Variants in FBN3 observed in about 807,000 individuals in gnomAD.
FBN3 encodes the protein fibrillin 3, also known as fibrillin-3.
FBN3 carries 234 observed loss-of-function variants against 330.1 expected under a neutral mutation model. The observed-to-expected ratio is 0.71, with a 90% CI of 0.64 to 0.79. The LOEUF (loss-of-function observed/expected upper bound fraction) is 0.79. Among genes scored for constraint, FBN3 ranks in the 30% least tolerant of loss-of-function variants. The pLI is 0.00. For synonymous variants in FBN3, 1,458 were observed against 1,517.3 expected (o/e 0.96, Z 0.91); for missense variants, 3,606 against 3,886.9 (o/e 0.93, Z 1.92).
intron 16 of FBN3, among the ~76,000 whole-genome samples, chr19:8,130,857 A>T (rs556212782): frequency 2.6e-4 from 39 of 151,254 alleles, no homozygotes; most frequent in Non-Finnish European, 4.3e-4. Context: ...TCTCACCTCT[A>T]AAAAAGGGTG....
At chr19:8,106,326 T>C (rs1446064423) in intron 37 of FBN3, 93 bp from the exon 38 acceptor site, 3 of 1,358,956 alleles carry the variant, frequency 2.2e-6, no homozygotes, top group Non-Finnish European at 3.1e-6. Context: ...TCCAGGGCCC[T>C]CTCGAGGATC....
rs764204317 is a variant in FBN3 at position 8,136,296 on chromosome 19, G to C, written c.1359C>G (p.Cys453Trp). Residue 453 changes from cysteine to tryptophan, a missense_variant, in exon 12 of 64, where the codon TGC (cysteine) becomes TGG (tryptophan). By Grantham distance (215) the Cys-to-Trp change is radical. Coordinates refer to ENST00000600128, the MANE Select transcript of FBN3 (RefSeq NM_032447.5). Reference protein sequence around the residue: ...VRGECIDVDECTSSPCHHGDC... With the variant: ...VRGECIDVDEWTSSPCHHGDC... ...CACCGTGGTGGCAGGGGCTGCTGGT[G>C]CATTCGTCTACATCTGAGGGGAGAG... 6.2e-7 allele frequency: 1 copy of C among 1,602,234 alleles called. No homozygotes were observed. The highest frequency in any genetic ancestry group is 1.3e-5 in the African/African-American group (1 of 74,852).
chr19:8,128,192 T>C (rs1599409410), intron 18 of FBN3, among the ~76,000 whole-genome samples: 1 of 152,142 alleles, frequency 6.6e-6, no homozygotes, highest in African/African-American at 2.4e-5. Context: ...GTAGGACTTC[T>C]GGGATGTGTG....
chr19:8,147,994 G>T (rs1287559545), intron 1 of FBN3, among the ~76,000 whole-genome samples: 1 of 151,932 alleles, frequency 6.6e-6, no homozygotes, highest in Non-Finnish European at 1.5e-5. Context: ...GGAGAGGAAT[G>T]GGAGGCTCAT....
intron 37 of FBN3, among the ~76,000 whole-genome samples, chr19:8,106,640 G>T (rs1054487781): frequency 1.3e-5 from 2 of 152,006 alleles, no homozygotes; most frequent in African/African-American, 4.8e-5. Context: ...TAAGCAAGTG[G>T]GTCAATGAAT....
rs778407139 is a variant in FBN3 at position 8,110,959 on chromosome 19, C to A, written c.4219G>T (p.Glu1407Ter). Residue 1407 changes from glutamate to a stop codon, truncating the protein, a stop_gained, in exon 34 of 64, where the codon GAG (glutamate) becomes TAG (stop). Transcript: ENST00000600128. LOFTEE classifies it high-confidence loss of function. ...EDHRACQDVD[E>*]CAQGNLCAFG... is the part of the protein sequence containing the mutation. ...GCACAGAGGTTCCCTTGCGCACACT[C>A]GTCCACATCTGCGGGGACCCTGGGT... 6.8e-6 allele frequency: 11 copies of A among 1,614,248 alleles called. No homozygotes were observed. The highest frequency in any genetic ancestry group is 2.5e-6 in the Non-Finnish European group (3 of 1,180,030).
chr19:8,068,608 G>A (rs542220879), intron 63 of FBN3, among the ~76,000 whole-genome samples: 13 of 151,518 alleles, frequency 8.6e-5, no homozygotes, highest in Non-Finnish European at 1.3e-4. Context: ...GGATTGAGGC[G>A]GGAGGATTGC....
chr19:8,069,543 T>C (rs1359856742), intron 63 of FBN3, among the ~76,000 whole-genome samples: 1 of 152,182 alleles, frequency 6.6e-6, no homozygotes, highest in African/African-American at 2.4e-5. Flanking sequence ...ACTTATGCTC[T>C]TACTGACCCC....
At position 8,081,017 on chromosome 19, in the gene FBN3, TG is replaced by T; in HGVS notation, c.7438del (p.His2480ThrfsTer50). ...GGGTCACTCACCGAAGCAGGCCTGG[TG>T]GTGCTGGGTGAAGCCGGGCGGACAG... is the stretch of plus-strand genomic sequence containing the variant. ...CRCPPGFTQH[H>X]QACFDNDECS... On this transcript the variant is annotated frameshift_variant, in exon 59 of 64. Coordinates refer to ENST00000600128, the MANE Select transcript of FBN3 (RefSeq NM_032447.5). LOFTEE classifies it high-confidence loss of function. 6.2e-7 allele frequency: 1 copy of T among 1,611,600 alleles called. No individual in the cohort carries two copies.
At chr19:8,117,324 TGG>T in intron 27 of FBN3, 33 bp from the exon 28 acceptor site, 1 of 405,098 alleles carries the variant, frequency 2.5e-6, no homozygotes, top group Non-Finnish European at 4.1e-6. Context: ...GGGCTGGGGC[TGG>T]GGGGAGGGGT....
Position 8,118,897 on chromosome 19 carries a change from C to T in FBN3, c.3337G>A (p.Asp1113Asn), listed in dbSNP as rs2082772430. 8 of 1,609,486 alleles carry T rather than the reference C, an allele frequency of 5.0e-6. No individual in the cohort carries two copies. The highest frequency in any genetic ancestry group is 6.8e-6 in the Non-Finnish European group (8 of 1,176,156). Residue 1113 changes from aspartate to asparagine, a missense_variant and splice_region_variant, in exon 26 of 64, where the codon GAC (aspartate) becomes AAC (asparagine). Transcript: ENST00000600128. ...CTTGCACACCCAGATGCACACTTAC[C>T]CTCACAGGCAGTGCCCTTGGCCGTC... ...ELTAKGTACE[D>N]IDECSLSDGL...
intron 57 of FBN3, among the ~76,000 whole-genome samples, chr19:8,082,773 C>G (rs934335621): frequency 1.3e-5 from 2 of 151,680 alleles, no homozygotes; most frequent in African/African-American, 4.9e-5. Context: ...GGATTACAAG[C>G]ATGAGCTACT....
chr19:8,119,086 G>C lies in FBN3; in HGVS notation c.3212-64C>G. 2.6e-6 allele frequency: 4 copies of C among 1,520,968 alleles called. No homozygotes were observed. In the East Asian group the frequency reaches 9.3e-5, roughly 35 times the overall value. The allele number at this position is 1,520,968 out of a possible 1,614,324, so 94.2% of individuals were successfully genotyped here. On this transcript the variant is annotated intron_variant, in intron 25 of 63. Coordinates refer to ENST00000600128, the MANE Select transcript of FBN3 (RefSeq NM_032447.5). Reference sequence around the variant, plus strand: ...TGCTGATGCAGGGAGGGGGTGATGAGGCTCATGCTGGCTTCTCTCCGCCAC... The same window carrying C: ...TGCTGATGCAGGGAGGGGGTGATGACGCTCATGCTGGCTTCTCTCCGCCAC...
chr19:8,114,394 C>T (rs1003593975), intron 30 of FBN3, among the ~76,000 whole-genome samples: 12 of 151,754 alleles, frequency 7.9e-5, no homozygotes, highest in African/African-American at 7.3e-5. Context: ...GGATTACAGG[C>T]GTGCGCCACC....
In FBN3 at chr19:8,106,070, G is replaced by A. The variant is rs756543309; in HGVS notation, c.4813+38C>T. 6.8e-6 allele frequency: 11 copies of A among 1,610,850 alleles called. No homozygotes were observed. The East Asian group carries it at 1.6e-4, about 23-fold the overall frequency. On this transcript the variant is annotated intron_variant, in intron 38 of 63. Coordinates refer to ENST00000600128, the MANE Select transcript of FBN3 (RefSeq NM_032447.5). ...AGGGCAGGAAGGCAGGGAGAGAGCG[G>A]AAGAGCCTGACCCACCCCAAAGAGA...
In FBN3 at chr19:8,086,268, G is replaced by T; in HGVS notation, c.6812C>A (p.Thr2271Asn). The change falls in exon 55 of 64, where the codon ACC (threonine) becomes AAC (asparagine). Residue 2271 changes from threonine to asparagine, a missense_variant. Coordinates refer to ENST00000600128, the MANE Select transcript of FBN3 (RefSeq NM_032447.5). Reference sequence around the variant, plus strand: ...ACAGTCGCACCGGAAGCTGCCCGCGGTGTTGACACAGCGGCCGTTGACACA... The same window carrying T: ...ACAGTCGCACCGGAAGCTGCCCGCGTTGTTGACACAGCGGCCGTTGACACA... ...DLCVNGRCVN[T>N]AGSFRCDCDE... 1 of 1,612,028 alleles carries T rather than the reference G, an allele frequency of 6.2e-7. No individual in the cohort carries two copies. Among genetic ancestry groups the T allele is most frequent in the South Asian group, 1.1e-5 (1 of 90,902 alleles).
chr19:8,091,634 C>G, intron 47 of FBN3, 44 bp from the exon 48 acceptor site: 1 of 1,607,118 alleles, frequency 6.2e-7, no homozygotes, highest in Non-Finnish European at 8.5e-7. Flanking sequence ...CAAGTAGGAC[C>G]TCCATCAGTG....
chr19:8,095,525 G>A (rs757419551), intron 45 of FBN3, 22 bp from the exon 46 acceptor site: 9 of 1,607,860 alleles, frequency 5.6e-6, no homozygotes, highest in Non-Finnish European at 7.6e-6. Flanking sequence ...AGATGGGCAG[G>A]CCAGTTCACC....
Position 8,090,123 on chromosome 19 carries a change from C to A in FBN3, c.6160G>T (p.Glu2054Ter), listed in dbSNP as rs149936210. ...CCGCTGCCCTCCTGGGGACACAGTTCGCAGGGGTCTCCCCAGCCCTCCCCA... is the reference window on the plus strand; with the variant it reads ...CCGCTGCCCTCCTGGGGACACAGTTAGCAGGGGTCTCCCCAGCCCTCCCCA... The part of the protein sequence containing the change: ...RPGEGWGDPC[E>*]LCPQEGSAAF... Residue 2054 changes from glutamate to a stop codon, truncating the protein, a stop_gained, in exon 49 of 64, where the codon GAA becomes TAA. Transcript: ENST00000600128. LOFTEE classifies it high-confidence loss of function. 1 of 1,613,754 alleles carries A rather than the reference C, an allele frequency of 6.2e-7. No individual in the cohort carries two copies. The highest frequency in any genetic ancestry group is 8.5e-7 in the Non-Finnish European group (1 of 1,179,960).
Sources: gnomAD v4.1 joint callset for allele counts (sites outside exome capture counted in the v4.1 genomes callset) on GRCh38, gnomAD v4.1.1 for gene constraint, MANE v1.5 for transcripts, NCBI Gene and HGNC (gene_info 2026-07-23, HGNC 2026-07-21) for gene names.